IL1RAPL1: variants seen among roughly 807,000 people sequenced by gnomAD.
IL1RAPL1 encodes the protein interleukin 1 receptor accessory protein like 1.
Under a neutral mutation model 48.4 loss-of-function variants are expected in IL1RAPL1, and 3 were observed. That is an observed-to-expected ratio of 0.06 (90% confidence interval 0.03 to 0.16). The LOEUF (loss-of-function observed/expected upper bound fraction) is 0.16. IL1RAPL1 is among the 10% of genes least tolerant of loss of function. IL1RAPL1 has a pLI of 1.00. For synonymous variants in IL1RAPL1, 185 were observed against 187.7 expected (o/e 0.99, Z 0.12); for missense variants, 349 against 530.6 (o/e 0.66, Z 3.36).
rs777777567 is a variant in IL1RAPL1, at chrX:29,862,573, G to T, written c.779-54891G>T. ...GCCCATCACTTCTCTTCAGTAATGG[G>T]AAACAATATTGTGGGAAAAAATGAC... is the stretch of plus-strand genomic sequence containing the variant. On this transcript the variant is annotated intron_variant, in intron 6 of 10. Coordinates refer to ENST00000378993, the MANE Select transcript of IL1RAPL1 (RefSeq NM_014271.4). Among the ~76,000 whole-genome samples, 16 of 111,632 alleles carry T rather than the reference G, an allele frequency of 1.4e-4. No homozygotes were observed. The South Asian group carries it at 6.0e-3, about 42-fold the overall frequency.
chrX:29,464,185 G>A (rs1023274205), intron 5 of IL1RAPL1, among the ~76,000 whole-genome samples: 6 of 111,818 alleles, frequency 5.4e-5, no homozygotes, highest in South Asian at 3.7e-4. Context: ...TTTGTTATGT[G>A]TCTATTTAAA....
intron 6 of IL1RAPL1, among the ~76,000 whole-genome samples, chrX:29,846,188 C>G (rs1475839092): frequency 9.0e-6 from 1 of 111,663 alleles, no homozygotes; most frequent in Non-Finnish European, 1.9e-5. Flanking sequence ...CTGTTACACT[C>G]TGATACTCCC....
intron 2 of IL1RAPL1, among the ~76,000 whole-genome samples, chrX:29,228,912 A>G (rs1207069452): frequency 9.0e-6 from 1 of 110,960 alleles, no homozygotes; most frequent in Non-Finnish European, 1.9e-5. Context: ...CTCTGCTCCA[A>G]GGCACTTCTC....
At chrX:29,492,016 A>T (rs1935164254) in intron 5 of IL1RAPL1, among the ~76,000 whole-genome samples, 1 of 112,424 alleles carries the variant, frequency 8.9e-6, no homozygotes, top group Non-Finnish European at 1.9e-5. Context: ...GGTAAATGTC[A>T]GGTACATTTG....
chrX:28,871,450 G>A (rs1055404729), intron 2 of IL1RAPL1, among the ~76,000 whole-genome samples: 2 of 111,800 alleles, frequency 1.8e-5, no homozygotes, highest in Non-Finnish European at 3.8e-5. Context: ...GTTAAATTTA[G>A]GAAAGCACAC....
At chrX:29,817,157 T>C (rs1310657676) in intron 6 of IL1RAPL1, among the ~76,000 whole-genome samples, 2 of 111,548 alleles carry the variant, frequency 1.8e-5, no homozygotes, top group Admixed American at 1.9e-4. Context: ...AATAACGCAT[T>C]GTCTATTTCT....
rs1224933369 is a variant in IL1RAPL1, at chrX:29,240,195, C to CATAT, written c.83-42716_83-42713dup. Among the ~76,000 whole-genome samples the CATAT allele has an allele frequency of 5.1e-3, 138 of 27,186 alleles. 3 individuals carry two copies. The highest frequency in any genetic ancestry group is 0.023 in the African/African-American group (109 of 4,790). The allele number at this position is 27,186 out of a possible 115,157, so 23.6% of individuals were successfully genotyped here. On this transcript the variant is annotated intron_variant, in intron 2 of 10. Transcript: ENST00000378993. ...AGTAGTATATAGGTACACACACACA[C>CATAT]ATATATATATATATATATATATATA...
At chrX:29,398,203 A>G (rs1933943352) in intron 4 of IL1RAPL1, among the ~76,000 whole-genome samples, 1 of 112,300 alleles carries the variant, frequency 8.9e-6, no homozygotes, top group South Asian at 3.7e-4. Context: ...CAAGTCATGC[A>G]ACTAATATGG....
chrX:28,963,374 TATATTCCTCTGC>T, intron 2 of IL1RAPL1, among the ~76,000 whole-genome samples: 1 of 111,515 alleles, frequency 9.0e-6, no homozygotes, highest in South Asian at 3.7e-4. Flanking sequence ...TTTTACATTA[TATATTCCTCTGC>T]ATACCCCCAA....
intron 1 of IL1RAPL1, among the ~76,000 whole-genome samples, chrX:28,670,545 A>C (rs1934937891): frequency 8.9e-6 from 1 of 112,072 alleles, no homozygotes; most frequent in Non-Finnish European, 1.9e-5. Flanking sequence ...GGAGTAATGC[A>C]ATCAGAACAG....
At chrX:28,887,242 TTCC>T (rs1229038944) in intron 2 of IL1RAPL1, among the ~76,000 whole-genome samples, 1 of 111,486 alleles carries the variant, frequency 9.0e-6, no homozygotes, top group Non-Finnish European at 1.9e-5. Context: ...GATCTTGCTC[TTCC>T]TCCTTCCGCC....
In IL1RAPL1 at chrX:29,816,169, C is replaced by G. The variant is rs191904435; in HGVS notation, c.779-101295C>G. ...TGAACGGATAAACAAGATAAATAGA[C>G]TACTAGTTAGATCAACAAAGAAAAA... On this transcript the variant is annotated intron_variant, in intron 6 of 10. Coordinates refer to ENST00000378993, the MANE Select transcript of IL1RAPL1 (RefSeq NM_014271.4). Among the ~76,000 whole-genome samples, 659 of 110,947 alleles carry G rather than the reference C, an allele frequency of 5.9e-3. 5 individuals are homozygous for G. The highest frequency in any genetic ancestry group is 0.021 in the African/African-American group (635 of 30,624).
chrX:28,676,657 A>G (rs1441166426), intron 1 of IL1RAPL1, among the ~76,000 whole-genome samples: 3 of 109,042 alleles, frequency 2.8e-5, no homozygotes, highest in Non-Finnish European at 5.7e-5. Context: ...CGCTTGAACC[A>G]GGGAGGCAGA....
At chrX:29,693,764 T>C (rs1926838383) in intron 6 of IL1RAPL1, among the ~76,000 whole-genome samples, 1 of 111,894 alleles carries the variant, frequency 8.9e-6, no homozygotes, top group African/African-American at 3.2e-5. Context: ...CTAAGTCCCA[T>C]TAATGGTCAC....
chrX:29,099,101 A>T (rs756117523), intron 2 of IL1RAPL1, among the ~76,000 whole-genome samples: 6 of 111,876 alleles, frequency 5.4e-5, no homozygotes, highest in Admixed American at 9.5e-5. Flanking sequence ...GCAGTGACCC[A>T]AGATCACGCC....
chrX:29,384,011 A>G (rs951381825), intron 3 of IL1RAPL1, among the ~76,000 whole-genome samples: 2 of 112,306 alleles, frequency 1.8e-5, no homozygotes, highest in African/African-American at 6.5e-5. Flanking sequence ...CAAATGTACA[A>G]CTATATAATT....
rs1013588992 is a variant in IL1RAPL1 at position 28,855,737 on chromosome X, C to A, written c.82+66312C>A. On this transcript the variant is annotated intron_variant, in intron 2 of 10. Coordinates refer to ENST00000378993, the MANE Select transcript of IL1RAPL1 (RefSeq NM_014271.4). ...TGCACCATAGTTTTCTAGTTTAGAG[C>A]CTTAACGCCTACAAAGTTGCCAATG... Among the ~76,000 whole-genome samples, 10 of 111,236 alleles carry A rather than the reference C, an allele frequency of 9.0e-5. 1 individual carries two copies. The Admixed American group carries it at 9.6e-4, about 11-fold the overall frequency.
At chrX:29,943,318 A>G (rs1304706282) in intron 9 of IL1RAPL1, among the ~76,000 whole-genome samples, 6 of 111,995 alleles carry the variant, frequency 5.4e-5, no homozygotes, top group Non-Finnish European at 1.9e-5. Flanking sequence ...AGCACCAAGC[A>G]TAGTGCTAGG....
intron 1 of IL1RAPL1, among the ~76,000 whole-genome samples, chrX:28,638,188 C>T (rs1202732073): frequency 2.7e-5 from 3 of 111,609 alleles, no homozygotes; most frequent in African/African-American, 9.8e-5. Context: ...TCCCTTTATA[C>T]TTCATTAAAG....
Sources: allele counts gnomAD v4.1 joint callset (sites outside exome capture counted in the v4.1 genomes callset), GRCh38; gene constraint gnomAD v4.1.1; transcripts MANE v1.5; gene names NCBI Gene and HGNC (gene_info 2026-07-23, HGNC 2026-07-21).